The following VPS26C variants were observed in gnomAD, a reference collection of about 807,000 sequenced individuals.
VPS26C encodes vacuolar protein sorting-associated protein 26C.
VPS26C carries 19 observed loss-of-function variants against 30.6 expected under a neutral mutation model. That is an observed-to-expected ratio of 0.62 (90% CI 0.43 to 0.91). The LOEUF is 0.91. Ranked by LOEUF, VPS26C falls within the 40% of genes least tolerant of loss-of-function variation. The probability of loss-of-function intolerance (pLI) is 0.00; values close to 1 mark genes in which losing one functional copy is unlikely to be tolerated. For synonymous variants in VPS26C, 132 were observed against 151.5 expected (o/e 0.87, Z 0.95); for missense variants, 318 against 385.1 (o/e 0.83, Z 1.46).
chr21:37,260,401 C>G (rs1234092123), intron 1 of VPS26C, among the ~76,000 whole-genome samples: 1 of 152,154 alleles, frequency 6.6e-6, no homozygotes, highest in Non-Finnish European at 1.5e-5. Flanking sequence ...AGTTTTTAGG[C>G]CAGGTGTGGT....
In VPS26C at chr21:37,257,793, G is replaced by C. The variant is rs1020141525; in HGVS notation, c.57+9445C>G. On this transcript the variant is annotated intron_variant, in intron 1 of 7. Coordinates refer to ENST00000309117, the MANE Select transcript of VPS26C (RefSeq NM_006052.2). This position sits in a 1 kb window ranked among gnomAD's most constrained non-coding sequence, Gnocchi z 4.2. Reference sequence around the variant, plus strand: ...GTGGGAGGACGGGGACAAAGGGGCAGCAAGGGACCGGCGGAAAGGAAAGTC... The same window carrying C: ...GTGGGAGGACGGGGACAAAGGGGCACCAAGGGACCGGCGGAAAGGAAAGTC... 6.6e-6 allele frequency among the ~76,000 whole-genome samples: 1 copy of C among 152,192 alleles called. No individual in the cohort carries two copies. Among genetic ancestry groups the C allele is most frequent in the African/African-American group, 2.4e-5 (1 of 41,448 alleles).
chr21:37,239,437 A>G (rs1402432734), intron 2 of VPS26C, among the ~76,000 whole-genome samples: 3 of 152,224 alleles, frequency 2.0e-5, no homozygotes, highest in African/African-American at 7.2e-5. Context: ...ATTCTGGAAC[A>G]CAAAACTCTA....
rs2086260197 is a variant in VPS26C at position 37,257,892 on chromosome 21, G to A, written c.57+9346C>T. ...GCCTCCGGGTGGGGCACCAAGCGGG[G>A]AGCGGGGCCACGAGGCAGGGGACAG... On this transcript the variant is annotated intron_variant, in intron 1 of 7. Coordinates refer to ENST00000309117, the MANE Select transcript of VPS26C (RefSeq NM_006052.2). The surrounding 1 kb of genome is among the most constrained non-coding windows in gnomAD (Gnocchi z 4.2). 6.6e-6 allele frequency among the ~76,000 whole-genome samples: 1 copy of A among 152,366 alleles called. No homozygotes were observed. Among genetic ancestry groups the A allele is most frequent in the East Asian group, 1.9e-4 (1 of 5,180 alleles).
chr21:37,228,930 G>C (rs1170021981), intron 5 of VPS26C: 2 of 152,426 alleles, frequency 1.3e-5, no homozygotes, highest in Admixed American at 1.3e-4. Flanking sequence ...TTACGTGGGA[G>C]GCAGAGGCAG....
rs2085972205 is a variant in VPS26C at position 37,232,244 on chromosome 21, T to C, written c.507+133A>G. ...AAATCAAATGGAAAATACTGAGTAA[T>C]TTGGGTACAATCAGAAATCTCTGCC... On this transcript the variant is annotated intron_variant, in intron 5 of 7. Transcript: ENST00000309117. The C allele has an allele frequency of 6.8e-6, 5 of 733,410 alleles. No homozygotes were observed. In the Admixed American group the frequency reaches 7.3e-5, roughly 11 times the overall value. 45.4% of individuals were successfully genotyped at this position (733,410 alleles called of 1,614,324 possible).
chr21:37,225,429 A>T lies in VPS26C; in HGVS notation c.*115T>A. 1.2e-6 allele frequency: 1 copy of T among 868,830 alleles called. No individual in the cohort carries two copies. The highest frequency in any genetic ancestry group is 1.9e-6 in the Non-Finnish European group (1 of 532,484). 53.8% of individuals were successfully genotyped at this position (868,830 alleles called of 1,614,324 possible). On this transcript the variant is annotated 3_prime_UTR_variant, in exon 8 of 8. Coordinates refer to ENST00000309117, the MANE Select transcript of VPS26C (RefSeq NM_006052.2). Reference sequence around the variant, plus strand: ...TTTGAGGGTCTGTTTCATTTCTGATACAGAATAATCACAAAAACAAGTATA... The same window carrying T: ...TTTGAGGGTCTGTTTCATTTCTGATTCAGAATAATCACAAAAACAAGTATA...
intron 1 of VPS26C, among the ~76,000 whole-genome samples, chr21:37,258,508 G>A (rs1302613594): frequency 6.6e-6 from 1 of 152,226 alleles, no homozygotes; most frequent in Non-Finnish European, 1.5e-5. Context: ...TGGAAGCTAC[G>A]TGTCCTCAGT....
chr21:37,243,200 T>C (rs913612198), intron 1 of VPS26C, among the ~76,000 whole-genome samples: 11 of 152,300 alleles, frequency 7.2e-5, no homozygotes, highest in Middle Eastern at 3.4e-3. Flanking sequence ...GTCTAGACTT[T>C]CATCAGGAAG....
In VPS26C at chr21:37,226,125, T is replaced by TTTTAATGATA; in HGVS notation, c.812-500_812-499insTATCATTAAA. On this transcript the variant is annotated intron_variant, in intron 7 of 7. Transcript: ENST00000309117. The surrounding 1 kb of genome is among the most constrained non-coding windows in gnomAD (Gnocchi z 4.1). ...TTGGATACTATTCATCCATCACCTT[T>TTTTAATGATA]CAGCAAACAGGATTCCTTCTCCACC... The TTTTAATGATA allele has an allele frequency of 6.3e-6, 1 of 157,666 alleles. No individual in the cohort carries two copies. Among genetic ancestry groups the TTTTAATGATA allele is most frequent in the Non-Finnish European group, 1.4e-5 (1 of 70,828 alleles). 9.8% of individuals were successfully genotyped at this position (157,666 alleles called of 1,614,324 possible). A position where few individuals can be genotyped will look rare whatever the true frequency, so the allele number is the denominator to read the frequency against.
upstream of VPS26C, chr21:37,267,516 C>A: frequency 1.7e-6 from 1 of 580,188 alleles, no homozygotes; most frequent in Non-Finnish European, 3.1e-6. Context: ...GGCCGAAGCG[C>A]TGTCACGGTT....
intron 1 of VPS26C, among the ~76,000 whole-genome samples, chr21:37,250,825 G>C (rs1008448699): frequency 2.0e-5 from 3 of 149,440 alleles, no homozygotes; most frequent in Non-Finnish European, 4.5e-5. Context: ...ACTTGAACCC[G>C]GGAGGCGGAG....
intron 7 of VPS26C, 79 bp downstream of exon 7, chr21:37,227,575 T>C: frequency 6.5e-7 from 1 of 1,538,406 alleles, no homozygotes; most frequent in Non-Finnish European, 8.9e-7. Flanking sequence ...GGTTCTGAGC[T>C]CTGTGACCCA....
rs781213896 is a variant in VPS26C at position 37,233,312 on chromosome 21, C to G, written c.432+50G>C. The G allele has an allele frequency of 6.7e-7, 1 of 1,490,738 alleles. No individual in the cohort carries two copies. The allele number at this position is 1,490,738 out of a possible 1,614,324, so 92.3% of individuals were successfully genotyped here. A position where few individuals can be genotyped will look rare whatever the true frequency, so the allele number is the denominator to read the frequency against. ...TGTAAATAGGGTAAACTCTCAGACCCCATGGGAGATTCCTATCATTAAGCA... is the reference window on the plus strand; with the variant it reads ...TGTAAATAGGGTAAACTCTCAGACCGCATGGGAGATTCCTATCATTAAGCA... On this transcript the variant is annotated intron_variant, in intron 4 of 7. Coordinates refer to ENST00000309117, the MANE Select transcript of VPS26C (RefSeq NM_006052.2). This position sits in a 1 kb window ranked among gnomAD's most constrained non-coding sequence, Gnocchi z 5.2.
At position 37,238,613 on chromosome 21, in the gene VPS26C, T is replaced by C. The variant is rs201638717; in HGVS notation, c.202-4A>G. The C allele has an allele frequency of 2.0e-4, 319 of 1,612,978 alleles. No individual in the cohort carries two copies. Among genetic ancestry groups the C allele is most frequent in the Non-Finnish European group, 2.7e-4 (315 of 1,179,658 alleles). ...TGCTGTTGATAATCTGGATAGGCTG[T>C]AAACAAAAATCAGTTCAGTCCATCA... is the stretch of plus-strand genomic sequence containing the variant. On this transcript the variant is annotated splice_region_variant and splice_polypyrimidine_tract_variant and intron_variant, in intron 2 of 7. Transcript: ENST00000309117.
intron 1 of VPS26C, among the ~76,000 whole-genome samples, chr21:37,265,863 G>C (rs1441762329): frequency 6.6e-6 from 1 of 150,664 alleles, no homozygotes; most frequent in South Asian, 2.1e-4. Flanking sequence ...TGCTTGGCTA[G>C]AGGAGTGTGA....
intron 1 of VPS26C, among the ~76,000 whole-genome samples, chr21:37,250,229 CAA>C (rs991889211): frequency 5.3e-5 from 8 of 151,716 alleles, no homozygotes; most frequent in African/African-American, 1.9e-4. Flanking sequence ...CACTTGAACT[CAA>C]GAGGTGGAGG....
At chr21:37,259,737 T>G (rs114910308) in intron 1 of VPS26C, among the ~76,000 whole-genome samples, 3,562 of 152,222 alleles carry the variant, frequency 0.023, 134 homozygotes, top group African/African-American at 0.08. Context: ...TATGTTCTCC[T>G]TGGTCACTGA....
intron 3 of VPS26C, among the ~76,000 whole-genome samples, chr21:37,234,658 T>C (rs1358434570): frequency 6.6e-6 from 1 of 152,188 alleles, no homozygotes; most frequent in East Asian, 1.9e-4. Context: ...AAAATAATTT[T>C]CATAACTCGG....
chr21:37,266,785 G>A (rs1433412830), intron 1 of VPS26C: 3 of 192,314 alleles, frequency 1.6e-5, no homozygotes, highest in African/African-American at 7.2e-5. Flanking sequence ...GCTGCCGCCA[G>A]ACATACCCAT....
Sources: allele counts gnomAD v4.1 joint callset (sites outside exome capture counted in the v4.1 genomes callset), GRCh38; gene constraint gnomAD v4.1.1; non-coding constraint Gnocchi (gnomAD v3.1); transcripts MANE v1.5; gene names NCBI Gene and HGNC (gene_info 2026-07-23, HGNC 2026-07-21).